Variants in C10orf90 observed in about 807,000 individuals in gnomAD.
C10orf90 encodes the protein chromosome 10 open reading frame 90.
C10orf90 carries 56 observed loss-of-function variants against 62.5 expected under a neutral mutation model. That is an observed-to-expected ratio of 0.90 (90% CI 0.72 to 1.12). The LOEUF is 1.12. Among genes scored for constraint, C10orf90 ranks in the 50% most tolerant of loss-of-function variants. The probability of loss-of-function intolerance (pLI) is 0.00; values close to 1 mark genes in which losing one functional copy is unlikely to be tolerated. For synonymous variants in C10orf90, 386 were observed against 340.4 expected (o/e 1.13, Z -1.47); for missense variants, 970 against 880.4 (o/e 1.10, Z -1.29).
intron 2 of C10orf90, among the ~76,000 whole-genome samples, chr10:126,561,901 C>T (rs936865584): frequency 1.3e-5 from 2 of 152,234 alleles, no homozygotes; most frequent in Admixed American, 1.3e-4. Flanking sequence ...AAGAACCCCC[C>T]ACTGAGAGAT....
At chr10:126,553,476 T>C (rs1753839294) in intron 2 of C10orf90, among the ~76,000 whole-genome samples, 1 of 152,232 alleles carries the variant, frequency 6.6e-6, no homozygotes, top group Non-Finnish European at 1.5e-5. Context: ...ACATATATGA[T>C]GATGGTCTCA....
At chr10:126,495,136 C>A (rs1027186817) in intron 4 of C10orf90, among the ~76,000 whole-genome samples, 4 of 152,184 alleles carry the variant, frequency 2.6e-5, no homozygotes, top group Non-Finnish European at 5.9e-5. Flanking sequence ...ATAGACGGTG[C>A]TCTGCAGTGT....
At position 126,649,077 on chromosome 10, in the gene C10orf90, C is replaced by CCG. The variant is rs1554932162; in HGVS notation, c.241-2441_241-2440insCG. On this transcript the variant is annotated intron_variant, in intron 1 of 9. Transcript: ENST00000488181. ...CTCTCTCTCTCTCTCTCTCTCCCCC[C>CCG]CCCCCAGCAATTCACAATGGATGGC... Among the ~76,000 whole-genome samples the CCG allele has an allele frequency of 8.4e-3, 986 of 118,080 alleles. 82 individuals carry two copies. Among genetic ancestry groups the CCG allele is most frequent in the African/African-American group, 0.031 (944 of 30,156 alleles). The allele number at this position is 118,080 out of a possible 152,430, so 77.5% of individuals were successfully genotyped here. A position where few individuals can be genotyped will look rare whatever the true frequency, so the allele number is the denominator to read the frequency against.
Position 126,429,840 on chromosome 10 carries a change from G to A in C10orf90, c.2199C>T (p.Phe733=). 1 of 1,613,868 alleles carries A rather than the reference G, an allele frequency of 6.2e-7. No homozygotes were observed. The highest frequency in any genetic ancestry group is 8.5e-7 in the Non-Finnish European group (1 of 1,179,786). ...CTGAAATGCACCGTTCTTTGGGTTTGAACAAGTTATCTGGAAAAAATAGAA... is the reference window on the plus strand; with the variant it reads ...CTGAAATGCACCGTTCTTTGGGTTTAAACAAGTTATCTGGAAAAAATAGAA... The part of the protein sequence containing the change: ...TIPHPLSDNL[F]KPKERCISEK... The change falls in exon 8 of 10, where the codon TTC becomes TTT. Residue 733 remains phenylalanine, a synonymous_variant. Transcript: ENST00000488181.
At chr10:126,521,122 A>G (rs564619951) in intron 2 of C10orf90, among the ~76,000 whole-genome samples, 1 of 152,198 alleles carries the variant, frequency 6.6e-6, no homozygotes, top group African/African-American at 2.4e-5. Context: ...TTGTGTAATG[A>G]TCTGTTCCTG....
At chr10:126,603,043 G>C (rs1248185521) in intron 2 of C10orf90, among the ~76,000 whole-genome samples, 1 of 151,816 alleles carries the variant, frequency 6.6e-6, no homozygotes, top group Non-Finnish European at 1.5e-5. Context: ...AGAGGGAGTG[G>C]ACAGGTGCGG....
intron 2 of C10orf90, among the ~76,000 whole-genome samples, chr10:126,573,594 A>G (rs1392262286): frequency 6.6e-6 from 1 of 152,062 alleles, no homozygotes; most frequent in African/African-American, 2.4e-5. Context: ...GGTCCCCCAA[A>G]AGCCCCAGGG....
intron 7 of C10orf90, among the ~76,000 whole-genome samples, chr10:126,440,316 A>G (rs1282493774): frequency 3.3e-5 from 5 of 152,092 alleles, no homozygotes; most frequent in Non-Finnish European, 7.4e-5. Flanking sequence ...GGGAGCCATA[A>G]TCCTCCTAGG....
chr10:126,594,606 A>T (rs369679549), intron 2 of C10orf90, among the ~76,000 whole-genome samples: 1 of 152,232 alleles, frequency 6.6e-6, no homozygotes, highest in South Asian at 2.1e-4. Context: ...TAAGTAATTC[A>T]GGTATGAATA....
At chr10:126,618,758 C>G (rs1185013797) in intron 2 of C10orf90, among the ~76,000 whole-genome samples, 2 of 152,212 alleles carry the variant, frequency 1.3e-5, no homozygotes, top group East Asian at 3.8e-4. Flanking sequence ...ATGAGCCTCT[C>G]TTGTGCCTTC....
chr10:126,437,781 C>T (rs965031216), intron 7 of C10orf90, among the ~76,000 whole-genome samples: 10 of 151,944 alleles, frequency 6.6e-5, no homozygotes, highest in Admixed American at 5.2e-4. Flanking sequence ...TTTACAGAAC[C>T]TCTCCATACC....
chr10:126,524,159 G>T (rs1863862451), intron 2 of C10orf90, among the ~76,000 whole-genome samples: 1 of 152,140 alleles, frequency 6.6e-6, no homozygotes, highest in Non-Finnish European at 1.5e-5. Flanking sequence ...TTTGAGAGGT[G>T]GGTGGGGGTG....
chr10:126,485,923 G>A (rs933892616), intron 4 of C10orf90, among the ~76,000 whole-genome samples: 4 of 151,732 alleles, frequency 2.6e-5, no homozygotes, highest in African/African-American at 9.7e-5. Context: ...CTCCAGCCTG[G>A]GGGACAGAGC....
At chr10:126,593,811 A>T (rs1387438979) in intron 2 of C10orf90, among the ~76,000 whole-genome samples, 1 of 152,132 alleles carries the variant, frequency 6.6e-6, no homozygotes, top group Non-Finnish European at 1.5e-5. Context: ...GTTTCCAAAC[A>T]TTGTGCTTGG....
intron 2 of C10orf90, among the ~76,000 whole-genome samples, chr10:126,528,384 A>G (rs940134142): frequency 3.3e-5 from 5 of 152,220 alleles, no homozygotes; most frequent in Non-Finnish European, 5.9e-5. Context: ...GTGTGGGAAG[A>G]AAGAGCAAGG....
intron 2 of C10orf90, among the ~76,000 whole-genome samples, chr10:126,591,722 A>T (rs1844983425): frequency 6.6e-6 from 1 of 152,202 alleles, no homozygotes; most frequent in African/African-American, 2.4e-5. Context: ...GAAAAAAAAT[A>T]AAGAGTATTT....
intron 1 of C10orf90, among the ~76,000 whole-genome samples, chr10:126,656,200 T>A (rs1184348326): frequency 6.6e-6 from 1 of 152,082 alleles, no homozygotes; most frequent in Non-Finnish European, 1.5e-5. Context: ...CCATGGCAAC[T>A]CCCAAAGGAA....
chr10:126,655,548 A>G (rs1846376155), intron 1 of C10orf90, among the ~76,000 whole-genome samples: 1 of 152,202 alleles, frequency 6.6e-6, no homozygotes, highest in Non-Finnish European at 1.5e-5. Context: ...AGTAAAGTGC[A>G]ATAGAATGAG....
At chr10:126,607,393 T>C (rs1845335840) in intron 2 of C10orf90, among the ~76,000 whole-genome samples, 1 of 152,178 alleles carries the variant, frequency 6.6e-6, no homozygotes, top group Non-Finnish European at 1.5e-5. Context: ...AACACCACTT[T>C]AACTTGAAAG....
Sources: gnomAD v4.1 joint callset for allele counts (sites outside exome capture counted in the v4.1 genomes callset) on GRCh38, gnomAD v4.1.1 for gene constraint, MANE v1.5 for transcripts, NCBI Gene and HGNC (gene_info 2026-07-23, HGNC 2026-07-21) for gene names.